Variants in JMJD1C observed in about 807,000 individuals in gnomAD.
JMJD1C encodes the protein jumonji domain containing 1C, also known as jumonji domain-containing protein 1C.
In JMJD1C, 31 loss-of-function variants were observed where a neutral mutation model predicts 245.3. The observed-to-expected ratio is 0.13, with a 90% confidence interval of 0.09 to 0.17. The LOEUF (loss-of-function observed/expected upper bound fraction) is 0.17. JMJD1C is among the 10% of genes least tolerant of loss of function. The probability of loss-of-function intolerance (pLI) is 1.00; values close to 1 mark genes in which losing one functional copy is unlikely to be tolerated. For missense variants in JMJD1C, 2,691 were observed against 3,000.2 expected (o/e 0.90, Z 2.41); for synonymous variants, 1,057 against 1,017.4 (o/e 1.04, Z -0.74).
At chr10:63,457,684 T>C (rs1043375282) in intron 1 of JMJD1C, among the ~76,000 whole-genome samples, 1 of 152,166 alleles carries the variant, frequency 6.6e-6, no homozygotes, top group African/African-American at 2.4e-5. Flanking sequence ...AAAGAATATA[T>C]AACATTACAG....
intron 2 of JMJD1C, among the ~76,000 whole-genome samples, chr10:63,326,660 A>G (rs1267960966): frequency 1.3e-5 from 2 of 151,630 alleles, no homozygotes; most frequent in Non-Finnish European, 2.9e-5. Flanking sequence ...CAGGCAGATT[A>G]CCTGAGGTCA....
chr10:63,382,407 A>T (rs1430511398), intron 1 of JMJD1C, among the ~76,000 whole-genome samples: 1 of 152,144 alleles, frequency 6.6e-6, no homozygotes, highest in East Asian at 1.9e-4. Flanking sequence ...TCAACATATG[A>T]CGTTCAATTA....
chr10:63,204,298 G>A (rs570347300), intron 10 of JMJD1C: 3 of 985,192 alleles, frequency 3.0e-6, no homozygotes, highest in Admixed American at 1.2e-4. Flanking sequence ...ACCAAGCAGG[G>A]GAGATTTGAC....
chr10:63,276,625 G>A (rs897061352), intron 2 of JMJD1C, among the ~76,000 whole-genome samples: 2 of 152,136 alleles, frequency 1.3e-5, no homozygotes, highest in African/African-American at 2.4e-5. Flanking sequence ...CCACCACTAC[G>A]CCCCAGCTAA....
rs1423158838 is a variant in JMJD1C at position 63,181,049 on chromosome 10, T to G, written c.7084+2398A>C. ...TCCCAAATAATTTTTGTATTTTTAA[T>G]AGAGACTGGGTTTCACTACGTTGGC... On this transcript the variant is annotated intron_variant, in intron 22 of 25. Transcript: ENST00000399262. Among the ~76,000 whole-genome samples the G allele has an allele frequency of 3.3e-5, 5 of 152,230 alleles. No individual in the cohort carries two copies. In the East Asian group the frequency reaches 9.7e-4, roughly 29 times the overall value.
At chr10:63,331,345 T>C (rs1316570585) in intron 2 of JMJD1C, among the ~76,000 whole-genome samples, 3 of 152,206 alleles carry the variant, frequency 2.0e-5, no homozygotes, top group Non-Finnish European at 4.4e-5. Context: ...AAATCTCAAT[T>C]TTACTTACTT....
intron 2 of JMJD1C, among the ~76,000 whole-genome samples, chr10:63,303,117 A>G (rs2134000067): frequency 6.6e-6 from 1 of 152,238 alleles, no homozygotes. Context: ...CTAATTCACT[A>G]AGCATGTTTT....
Position 63,189,334 on chromosome 10 carries a change from A to T in JMJD1C, c.6404T>A (p.Leu2135His), listed in dbSNP as rs754646716. ...TATGCTTTCTTCAGGCTCTTCTTTA[A>T]GCTCTGGTTTTACATTTATCTTGGA... ...KTSKINVKPELKEEPEESIIS... is the reference protein window; with the variant it reads ...KTSKINVKPEHKEEPEESIIS... The change falls in exon 18 of 26, where the codon CTT (leucine) becomes CAT (histidine). Residue 2135 changes from leucine to histidine, a missense_variant. This residue lies in a region of JMJD1C where 275 missense variants were observed against 285.5 expected (regional missense o/e 0.96). Transcript: ENST00000399262. 35 of 1,613,710 alleles carry T rather than the reference A, an allele frequency of 2.2e-5. No individual in the cohort carries two copies. The highest frequency in any genetic ancestry group is 2.8e-5 in the Non-Finnish European group (33 of 1,179,888).
At chr10:63,306,270 A>G (rs1938215050) in intron 2 of JMJD1C, among the ~76,000 whole-genome samples, 2 of 152,036 alleles carry the variant, frequency 1.3e-5, no homozygotes, top group African/African-American at 4.8e-5. Context: ...TTGTATTTTT[A>G]GTAGAGATGG....
At chr10:63,296,743 G>T (rs1859476956) in intron 2 of JMJD1C, among the ~76,000 whole-genome samples, 1 of 152,148 alleles carries the variant, frequency 6.6e-6, no homozygotes. Flanking sequence ...TACAGAATCT[G>T]CATATAATGA....
At chr10:63,379,658 A>G (rs946500202) in intron 2 of JMJD1C, among the ~76,000 whole-genome samples, 10 of 152,210 alleles carry the variant, frequency 6.6e-5, no homozygotes, top group African/African-American at 2.4e-4. Context: ...CCCACTTAAC[A>G]AAGTTTCATT....
chr10:63,497,720 G>A (rs1954407038), intron 1 of JMJD1C, among the ~76,000 whole-genome samples: 1 of 152,158 alleles, frequency 6.6e-6, no homozygotes, highest in Admixed American at 6.5e-5. Flanking sequence ...TGTAAAGGAA[G>A]TAACAAGTCA....
At chr10:63,274,201 C>T (rs981289013) in intron 2 of JMJD1C, among the ~76,000 whole-genome samples, 6 of 152,264 alleles carry the variant, frequency 3.9e-5, no homozygotes, top group Middle Eastern at 6.8e-3. Flanking sequence ...TTCAATAAGC[C>T]ATACTGTAAA....
Position 63,414,735 on chromosome 10 carries a change from T to TAAC in JMJD1C, c.169-34256_169-34254dup, listed in dbSNP as rs544045429. 1.2e-3 allele frequency among the ~76,000 whole-genome samples: 179 copies of TAAC among 151,596 alleles called. 2 individuals are homozygous for TAAC. Among genetic ancestry groups the TAAC allele is most frequent in the African/African-American group, 2.9e-3 (121 of 41,310 alleles). On this transcript the variant is annotated intron_variant, in intron 1 of 25. Coordinates refer to ENST00000399262, the MANE Select transcript of JMJD1C (RefSeq NM_032776.3). ...AAACTTCATCTTTCTTTGCTAAAAA[T>TAAC]AACAACAACAACAACAACAAAACTC...
Position 63,177,747 on chromosome 10 carries a change from A to T in JMJD1C, c.7194T>A (p.Asp2398Glu), listed in dbSNP as rs1234274861. 6.2e-7 allele frequency: 1 copy of T among 1,614,106 alleles called. No homozygotes were observed. The highest frequency in any genetic ancestry group is 1.7e-5 in the Admixed American group (1 of 60,010). The change falls in exon 23 of 26, where the codon GAT (aspartate) becomes GAA (glutamate). Residue 2398 changes from aspartate to glutamate, a missense_variant. Asp to Glu is a conservative substitution (Grantham distance 45). This residue lies in a region of JMJD1C where 232 missense variants were observed against 416.1 expected (regional missense o/e 0.56). Coordinates refer to ENST00000399262, the MANE Select transcript of JMJD1C (RefSeq NM_032776.3). ...GALWHIYAGKDVDKIREFLQK... is the reference protein window; with the variant it reads ...GALWHIYAGKEVDKIREFLQK... ...GAAGAAATTCCCTTATCTTGTCAAC[A>T]TCTTTCCCAGCATAAATATGCCACA...
chr10:63,259,174 G>A (rs984706553), intron 3 of JMJD1C, among the ~76,000 whole-genome samples: 25 of 152,280 alleles, frequency 1.6e-4, no homozygotes, highest in Non-Finnish European at 3.5e-4. Flanking sequence ...ATATTACCCT[G>A]AGAAATAAAT....
intron 3 of JMJD1C, among the ~76,000 whole-genome samples, chr10:63,244,730 A>T (rs1165442313): frequency 6.8e-6 from 1 of 147,092 alleles, no homozygotes; most frequent in East Asian, 2.1e-4. Flanking sequence ...CGTCCTCAAG[A>T]GACTGAGGCT....
At chr10:63,406,472 A>C (rs756344164) in intron 1 of JMJD1C, among the ~76,000 whole-genome samples, 1 of 152,188 alleles carries the variant, frequency 6.6e-6, no homozygotes, top group Admixed American at 6.5e-5. Context: ...TCCATATCAA[A>C]GTCCAGAAGT....
chr10:63,197,838 G>A (rs1845615611), intron 12 of JMJD1C, among the ~76,000 whole-genome samples: 1 of 152,126 alleles, frequency 6.6e-6, no homozygotes, highest in Admixed American at 6.5e-5. Flanking sequence ...TCTTTGTTGG[G>A]AGGGATTACT....
Sources: gnomAD v4.1 joint callset for allele counts (sites outside exome capture counted in the v4.1 genomes callset) on GRCh38, gnomAD v4.1.1 for gene constraint, gnomAD v4.1.1 regional missense constraint, MANE v1.5 for transcripts, NCBI Gene and HGNC (gene_info 2026-07-23, HGNC 2026-07-21) for gene names.